Variants in SLC6A4 observed in about 807,000 individuals in gnomAD.
SLC6A4 encodes sodium-dependent serotonin transporter.
SLC6A4 carries 22 observed loss-of-function variants against 73.4 expected under a neutral mutation model. That is an observed-to-expected ratio of 0.30 (90% CI 0.21 to 0.43). SLC6A4 has a LOEUF of 0.43. Ranked by LOEUF, SLC6A4 falls within the 20% of genes least tolerant of loss-of-function variation. The pLI is 1.00. For synonymous variants in SLC6A4, 270 were observed against 315.5 expected (o/e 0.86, Z 1.53); for missense variants, 593 against 808.5 (o/e 0.73, Z 3.23).
intron 8 of SLC6A4, among the ~76,000 whole-genome samples, chr17:30,215,153 G>A (rs946027370): frequency 7.3e-5 from 11 of 151,090 alleles, no homozygotes; most frequent in African/African-American, 2.2e-4. Flanking sequence ...GCAACTTCTC[G>A]TGCCTCAGCC....
rs1426735582 is a variant in SLC6A4, at chr17:30,215,626, T to C, written c.1061A>G (p.Asn354Ser). 6.2e-7 allele frequency: 1 copy of C among 1,613,860 alleles called. No homozygotes were observed. Among genetic ancestry groups the C allele is most frequent in the Non-Finnish European group, 8.5e-7 (1 of 1,179,832 alleles). ...AGATACTCACTGGTAGCAGTTGTTG[T>C]TGAACTTGTTGTAGCTAGCAAAAGC... The part of the protein sequence containing the change: ...LLAFASYNKF[N>S]NNCYQDALVT... The change falls in exon 8 of 15, where the codon AAC becomes AGC. Residue 354 changes from asparagine (N) to serine (S), a missense_variant. Coordinates refer to ENST00000650711, the MANE Select transcript of SLC6A4 (RefSeq NM_001045.6).
At chr17:30,224,823 T>C (rs1023211469) in intron 1 of SLC6A4, among the ~76,000 whole-genome samples, 1 of 152,064 alleles carries the variant, frequency 6.6e-6, no homozygotes, top group African/African-American at 2.4e-5. Flanking sequence ...TGCAGGTAGG[T>C]AGATTTTTGA....
At chr17:30,209,117 C>A in intron 12 of SLC6A4, 26 bp downstream of exon 12, 1 of 1,553,128 alleles carries the variant, frequency 6.4e-7, no homozygotes. Flanking sequence ...TAGAAGGGAC[C>A]CAGCTGGCTG....
At chr17:30,222,766 T>C (rs2143015627) in intron 2 of SLC6A4, 53 bp downstream of exon 2, 2 of 1,298,032 alleles carry the variant, frequency 1.5e-6, no homozygotes, top group South Asian at 1.2e-5. Context: ...CTTTCTGCGT[T>C]CCCATTATGC....
At chr17:30,227,125 A>G (rs986202912) in intron 1 of SLC6A4, among the ~76,000 whole-genome samples, 8 of 152,260 alleles carry the variant, frequency 5.3e-5, no homozygotes, top group Non-Finnish European at 1.2e-4. Context: ...CTTTGCTGCT[A>G]TTGCACAGTT....
chr17:30,232,308 C>T (rs1907136701), intron 1 of SLC6A4, among the ~76,000 whole-genome samples: 1 of 152,166 alleles, frequency 6.6e-6, no homozygotes, highest in South Asian at 2.1e-4. Flanking sequence ...TCGCCCAGAT[C>T]ACCACCTGGT....
In SLC6A4 at chr17:30,216,172, G is replaced by T. The variant is rs200489733; in HGVS notation, c.882C>A (p.Val294=). Residue 294 remains valine, a synonymous_variant, in exon 7 of 15, where the codon GTC becomes GTA. Transcript: ENST00000650711. ...GGAGGGTGGCACCCCTCACCAGCAGGACAGAAAGGATGATATAAGGGAAGG... is the reference window on the plus strand; with the variant it reads ...GGAGGGTGGCACCCCTCACCAGCAGTACAGAAAGGATGATATAAGGGAAGG... The part of the protein sequence containing the change: ...TATFPYIILS[V]LLVRGATLPG... 1.2e-5 allele frequency: 20 copies of T among 1,611,432 alleles called. No individual in the cohort carries two copies. In the South Asian group the frequency reaches 2.2e-4, roughly 18 times the overall value.
chr17:30,218,961 C>T (rs774875157), intron 3 of SLC6A4, 30 bp from the exon 4 acceptor site: 1 of 1,612,760 alleles, frequency 6.2e-7, no homozygotes, highest in Non-Finnish European at 8.5e-7. Flanking sequence ...ATTTCACTCC[C>T]TGCCCACGTC....
chr17:30,208,686 GT>G (rs1327635736), intron 12 of SLC6A4, among the ~76,000 whole-genome samples: 1 of 152,068 alleles, frequency 6.6e-6, no homozygotes, highest in Non-Finnish European at 1.5e-5. Flanking sequence ...ATTTTTGTTT[GT>G]TTTTGGGTTT....
chr17:30,230,888 A>G (rs529265057), intron 1 of SLC6A4, among the ~76,000 whole-genome samples: 52 of 152,272 alleles, frequency 3.4e-4, no homozygotes, highest in African/African-American at 1.2e-3. Flanking sequence ...TAGGTCAACA[A>G]TTTCTGAGAT....
chr17:30,217,103 T>C, intron 6 of SLC6A4, 63 bp downstream of exon 6: 1 of 1,495,108 alleles, frequency 6.7e-7, no homozygotes, highest in Non-Finnish European at 9.2e-7. Flanking sequence ...GCTACTGGGT[T>C]TTGAGTTTGA....
At chr17:30,230,467 G>T (rs1907080194) in intron 1 of SLC6A4, among the ~76,000 whole-genome samples, 1 of 152,072 alleles carries the variant, frequency 6.6e-6, no homozygotes, top group Non-Finnish European at 1.5e-5. Context: ...CTTTATACAG[G>T]TATGTTACTA....
At chr17:30,201,468 G>A (rs1177268339) in intron 14 of SLC6A4, among the ~76,000 whole-genome samples, 2 of 152,198 alleles carry the variant, frequency 1.3e-5, no homozygotes, top group African/African-American at 4.8e-5. Flanking sequence ...GGGGGAATTT[G>A]TGAGAAAGAT....
chr17:30,228,940 G>T (rs1302984400), intron 1 of SLC6A4, among the ~76,000 whole-genome samples: 1 of 152,242 alleles, frequency 6.6e-6, no homozygotes, highest in Non-Finnish European at 1.5e-5. Context: ...TCTCAGCATG[G>T]AGGGCTTGTT....
intron 14 of SLC6A4, among the ~76,000 whole-genome samples, chr17:30,200,566 A>G (rs143087092): frequency 1.8e-4 from 28 of 152,198 alleles, no homozygotes; most frequent in Non-Finnish European, 1.3e-4. Context: ...AACCTTGCAT[A>G]TGGCCAGGGC....
At chr17:30,207,390 T>C (rs1906240478) in intron 13 of SLC6A4, among the ~76,000 whole-genome samples, 1 of 152,198 alleles carries the variant, frequency 6.6e-6, no homozygotes, top group Admixed American at 6.5e-5. Flanking sequence ...TCTTCAATAC[T>C]ATTTATTTCT....
chr17:30,219,081 T>C, intron 3 of SLC6A4, 150 bp from the exon 4 acceptor site: 1 of 857,948 alleles, frequency 1.2e-6, no homozygotes, highest in South Asian at 1.6e-5. Context: ...TCCTCTGGTC[T>C]CAGTGCTTTG....
intron 1 of SLC6A4, among the ~76,000 whole-genome samples, chr17:30,230,581 G>A (rs544379276): frequency 6.6e-6 from 1 of 152,194 alleles, no homozygotes; most frequent in Non-Finnish European, 1.5e-5. Flanking sequence ...TATGAAATAA[G>A]GGTGGATTCA....
At chr17:30,223,026 C>T (rs941983790) in intron 1 of SLC6A4, 111 bp from the exon 2 acceptor site, 10 of 393,356 alleles carry the variant, frequency 2.5e-5, no homozygotes, top group Admixed American at 1.7e-4. Context: ...ATTTCACCGC[C>T]GTGGCCTGGG....
Sources: allele counts gnomAD v4.1 joint callset (sites outside exome capture counted in the v4.1 genomes callset), GRCh38; gene constraint gnomAD v4.1.1; transcripts MANE v1.5; gene names NCBI Gene and HGNC (gene_info 2026-07-23, HGNC 2026-07-21).